SYT16: variants seen among roughly 807,000 people sequenced by gnomAD.
The protein encoded by SYT16 is synaptotagmin-16.
A neutral mutation model predicts 61.4 loss-of-function variants in SYT16; 42 were observed. That is an observed-to-expected ratio of 0.68 (90% CI 0.53 to 0.89). The LOEUF is 0.89. Ranked by LOEUF, SYT16 falls within the 40% of genes least tolerant of loss-of-function variation. The pLI is 0.00. For missense variants in SYT16, 804 were observed against 807.3 expected (o/e 1.00, Z 0.05); for synonymous variants, 314 against 302.3 (o/e 1.04, Z -0.40).
intron 3 of SYT16, among the ~76,000 whole-genome samples, chr14:62,036,168 G>C (rs1476542051): frequency 6.6e-6 from 1 of 152,186 alleles, no homozygotes; most frequent in Non-Finnish European, 1.5e-5. Context: ...TTTTCTGTGG[G>C]AGGTGGAGAA....
chr14:61,885,373 G>T (rs563119764), intron 1 of SYT16, among the ~76,000 whole-genome samples: 2 of 144,764 alleles, frequency 1.4e-5, no homozygotes, highest in African/African-American at 5.2e-5. Flanking sequence ...TAAAGTGCAT[G>T]GCAGATATGA....
chr14:61,921,378 A>T (rs1429074564), intron 1 of SYT16, among the ~76,000 whole-genome samples: 1 of 152,134 alleles, frequency 6.6e-6, no homozygotes, highest in Non-Finnish European at 1.5e-5. Context: ...ACCTGACAGC[A>T]CCTGAAATTA....
chr14:61,907,663 G>T (rs2048775093), intron 1 of SYT16, among the ~76,000 whole-genome samples: 1 of 152,230 alleles, frequency 6.6e-6, no homozygotes, highest in Admixed American at 6.5e-5. Context: ...CCAGAAGAGA[G>T]AGTAGGGCAG....
At chr14:61,983,298 C>T (rs1027990086) in intron 2 of SYT16, among the ~76,000 whole-genome samples, 6 of 152,130 alleles carry the variant, frequency 3.9e-5, no homozygotes, top group African/African-American at 1.4e-4. Context: ...TCCTCTAAAG[C>T]CTACTTAAGG....
chr14:61,897,077 C>T (rs146517215), intron 1 of SYT16, among the ~76,000 whole-genome samples: 120 of 152,294 alleles, frequency 7.9e-4, no homozygotes, highest in African/African-American at 2.8e-3. Flanking sequence ...TTCATGTGAA[C>T]ATTATGTGGA....
Position 62,081,045 on chromosome 14 carries a change from G to A in SYT16, c.1205G>A (p.Gly402Asp), listed in dbSNP as rs777461212. The A allele has an allele frequency of 1.9e-6, 3 of 1,613,534 alleles. No homozygotes were observed. In the South Asian group the frequency reaches 3.3e-5, roughly 18 times the overall value. ...VVLLPGKKHR[G>D]RTNIQRGPNP... ...CTGCTGCCTGGTAAGAAACACAGGG[G>A]CAGGACGAACATACAGAGAGGGCCC... Residue 402 changes from glycine to aspartate, a missense_variant, in exon 6 of 8, where the codon GGC (glycine) becomes GAC (aspartate). By Grantham distance (94) the Gly-to-Asp change is moderately conservative. Transcript: ENST00000683842.
At chr14:61,917,475 C>G (rs2049165133) in intron 1 of SYT16, among the ~76,000 whole-genome samples, 1 of 152,118 alleles carries the variant, frequency 6.6e-6, no homozygotes, top group African/African-American at 2.4e-5. Flanking sequence ...CTATCTTCTA[C>G]TAGACTTGGA....
intron 1 of SYT16, among the ~76,000 whole-genome samples, chr14:61,965,830 G>A (rs1566722875): frequency 6.7e-6 from 1 of 150,370 alleles, no homozygotes; most frequent in Non-Finnish European, 1.5e-5. Context: ...TCCTAAGCTT[G>A]AAAAAAAAAT....
intron 3 of SYT16, among the ~76,000 whole-genome samples, chr14:62,022,348 A>C (rs866551485): frequency 5.3e-5 from 8 of 151,962 alleles, no homozygotes; most frequent in South Asian, 2.1e-4. Flanking sequence ...ATATCATTGC[A>C]TTGTCTTCCA....
chr14:62,056,892 G>A (rs8015283), intron 3 of SYT16, among the ~76,000 whole-genome samples: 34,596 of 152,124 alleles, frequency 0.23, 5,872 homozygotes, highest in African/African-American at 0.48. Context: ...GGACGAGCGC[G>A]GCGCCCAAGG....
chr14:61,930,766 C>G (rs547232502), intron 1 of SYT16, among the ~76,000 whole-genome samples: 14 of 151,910 alleles, frequency 9.2e-5, no homozygotes, highest in Non-Finnish European at 1.6e-4. Flanking sequence ...GGGAAGCAGA[C>G]GAAGAGGTCA....
chr14:62,048,885 T>C (rs2055129953), intron 3 of SYT16, among the ~76,000 whole-genome samples: 1 of 152,218 alleles, frequency 6.6e-6, no homozygotes. Context: ...TGAGGAGTAC[T>C]TTACTTCCAA....
In SYT16 at chr14:62,088,070, A is replaced by G. The variant is rs1396743152; in HGVS notation, c.1624+3685A>G. 3.3e-5 allele frequency among the ~76,000 whole-genome samples: 5 copies of G among 152,180 alleles called. No individual in the cohort carries two copies. The South Asian group carries it at 8.3e-4, about 25-fold the overall frequency. On this transcript the variant is annotated intron_variant, in intron 7 of 7. Transcript: ENST00000683842. ...AAAAGGCGTAGAAGCTTTTTTTTAT[A>G]TAAAACTAAACATGCACTGAGAATC...
intron 3 of SYT16, among the ~76,000 whole-genome samples, chr14:62,019,395 G>A (rs554270281): frequency 1.5e-3 from 233 of 152,138 alleles, no homozygotes; most frequent in Non-Finnish European, 2.8e-3. Flanking sequence ...CTGGTTTTTG[G>A]AGCCATCTGG....
At chr14:61,891,240 G>GTGCACACA (rs1435891098) in intron 1 of SYT16, among the ~76,000 whole-genome samples, 8 of 85,802 alleles carry the variant, frequency 9.3e-5, no homozygotes, top group African/African-American at 5.0e-4. Flanking sequence ...ATACACACAC[G>GTGCACACA]CGCACACACA....
At chr14:61,942,618 A>G (rs541980839) in intron 1 of SYT16, among the ~76,000 whole-genome samples, 6 of 152,302 alleles carry the variant, frequency 3.9e-5, no homozygotes, top group Non-Finnish European at 5.9e-5. Flanking sequence ...TGTCAATGAT[A>G]TGTACTGAGT....
intron 1 of SYT16, among the ~76,000 whole-genome samples, chr14:61,902,669 G>A (rs979234529): frequency 1.3e-5 from 2 of 152,060 alleles, no homozygotes; most frequent in African/African-American, 2.4e-5. Context: ...CCATTTTCAC[G>A]CTGCTGATAA....
At chr14:62,014,693 C>T (rs1340496602) in intron 3 of SYT16, among the ~76,000 whole-genome samples, 2 of 152,054 alleles carry the variant, frequency 1.3e-5, no homozygotes, top group African/African-American at 2.4e-5. Flanking sequence ...CTTGGCTTCC[C>T]GAAGGGCTGG....
chr14:61,956,684 A>G (rs942412310), intron 1 of SYT16, among the ~76,000 whole-genome samples: 5 of 152,032 alleles, frequency 3.3e-5, no homozygotes, highest in African/African-American at 4.8e-5. Context: ...TGTAAGTGCC[A>G]TGCTGTTTTG....
Sources: allele counts gnomAD v4.1 joint callset (sites outside exome capture counted in the v4.1 genomes callset), GRCh38; gene constraint gnomAD v4.1.1; transcripts MANE v1.5; gene names NCBI Gene and HGNC (gene_info 2026-07-23, HGNC 2026-07-21).